Variants in ANXA7 observed in about 807,000 individuals in gnomAD.
ANXA7 encodes the protein annexin A7.
ANXA7 carries 55 observed loss-of-function variants against 64.9 expected under a neutral mutation model. That is an observed-to-expected ratio of 0.85 (90% confidence interval 0.68 to 1.06). The LOEUF is 1.06. ANXA7 is among the 50% of genes least tolerant of loss of function. ANXA7 has a pLI of 0.00. For missense variants in ANXA7, 548 were observed against 582.1 expected (o/e 0.94, Z 0.60); for synonymous variants, 200 against 192.4 (o/e 1.04, Z -0.33).
At chr10:73,406,867 A>G (rs2055765579) in intron 1 of ANXA7, among the ~76,000 whole-genome samples, 1 of 151,346 alleles carries the variant, frequency 6.6e-6, no homozygotes, top group Non-Finnish European at 1.5e-5. Context: ...CACCACACCC[A>G]CCCTCTATTT....
At chr10:73,400,944 G>T in intron 1 of ANXA7, 87 bp from the exon 2 acceptor site, 1 of 1,185,566 alleles carries the variant, frequency 8.4e-7, no homozygotes, top group Non-Finnish European at 1.2e-6. Context: ...GTCTCACTCT[G>T]TCACCAGGTT....
rs1131226 is a variant in ANXA7 at position 73,400,840 on chromosome 10, T to C, written c.17A>G (p.Tyr6Cys). ...GAAAGGTGGGTAGCCTGTTGGGGGA[T>C]AGCCTGGGTATGACATTCTGTAACA... The part of the protein sequence containing the change: MSYPG[Y>C]PPTGYPPFPG... The change falls in exon 2 of 13, where the codon TAT becomes TGT. Residue 6 changes from tyrosine to cysteine, a missense_variant. Transcript: ENST00000372921. 5.6e-6 allele frequency: 9 copies of C among 1,603,982 alleles called. No homozygotes were observed. Among genetic ancestry groups the C allele is most frequent in the South Asian group, 5.6e-5 (5 of 89,840 alleles).
chr10:73,398,884 T>C (rs1055791476), intron 2 of ANXA7, among the ~76,000 whole-genome samples: 1 of 152,168 alleles, frequency 6.6e-6, no homozygotes, highest in Non-Finnish European at 1.5e-5. Flanking sequence ...AGCAGCAATA[T>C]GCAGAGTGGC....
intron 2 of ANXA7, among the ~76,000 whole-genome samples, chr10:73,399,570 C>CATG (rs1364633562): frequency 6.6e-6 from 1 of 152,188 alleles, no homozygotes; most frequent in African/African-American, 2.4e-5. Context: ...TGCCTGTAAT[C>CATG]CCAGCGCTTT....
rs1357424575 is a variant in ANXA7 at position 73,396,060 on chromosome 10, A to G, written c.435+459T>C. The G allele has an allele frequency of 6.3e-7, 1 of 1,593,536 alleles. No homozygotes were observed. Among genetic ancestry groups the G allele is most frequent in the East Asian group, 2.2e-5 (1 of 44,768 alleles). On this transcript the variant is annotated intron_variant, in intron 5 of 12. Transcript: ENST00000372921. ...CTTACTCACTTCACTGCTATAATCC[A>G]AAGAAACAGGAGAGAAAACAGGATA...
intron 5 of ANXA7, among the ~76,000 whole-genome samples, chr10:73,392,961 T>G (rs565672694): frequency 6.6e-6 from 1 of 152,208 alleles, no homozygotes; most frequent in Admixed American, 6.5e-5. Context: ...CCCCATTGTC[T>G]CAGCCCAAAA....
chr10:73,377,773 G>GGGGTGTGTGTGTGT lies in ANXA7; in HGVS notation c.1278+1137_1278+1138insACACACACACACCC, dbSNP rs1554815379. Among the ~76,000 whole-genome samples, 457 of 124,832 alleles carry GGGGTGTGTGTGTGT rather than the reference G, an allele frequency of 3.7e-3. 25 individuals carry two copies. Among genetic ancestry groups the GGGGTGTGTGTGTGT allele is most frequent in the African/African-American group, 0.011 (330 of 31,108 alleles). The allele number at this position is 124,832 out of a possible 152,430, so 81.9% of individuals were successfully genotyped here. A position where few individuals can be genotyped will look rare whatever the true frequency, so the allele number is the denominator to read the frequency against. On this transcript the variant is annotated intron_variant, in intron 12 of 12. Coordinates refer to ENST00000372921, the MANE Select transcript of ANXA7 (RefSeq NM_001156.5). The stretch of plus-strand genomic sequence containing the variant: ...ACTACCATGCCGGGGGGTGGGTGTG[G>GGGGTGTGTGTGTGT]GTGTGTGTGTGTGTGTGTGTGTGTG...
At chr10:73,384,647 C>T (rs1297437060) in intron 7 of ANXA7, among the ~76,000 whole-genome samples, 1 of 151,966 alleles carries the variant, frequency 6.6e-6, no homozygotes, top group Non-Finnish European at 1.5e-5. Context: ...GTGATACACC[C>T]GCCTTGGCCT....
chr10:73,376,541 G>A (rs2055173992), intron 12 of ANXA7, among the ~76,000 whole-genome samples: 1 of 152,192 alleles, frequency 6.6e-6, no homozygotes, highest in African/African-American at 2.4e-5. Context: ...CATGAAATGG[G>A]AACACTTGTA....
intron 1 of ANXA7, among the ~76,000 whole-genome samples, chr10:73,404,591 G>A (rs2055722704): frequency 6.6e-6 from 1 of 152,046 alleles, no homozygotes; most frequent in African/African-American, 2.4e-5. Context: ...GTCAGGAGTT[G>A]ATAACTGCTC....
intron 7 of ANXA7, among the ~76,000 whole-genome samples, chr10:73,385,988 C>T (rs1327981714): frequency 6.6e-6 from 1 of 152,040 alleles, no homozygotes; most frequent in African/African-American, 2.4e-5. Flanking sequence ...CCAAGGCAGG[C>T]AGATCACATG....
chr10:73,400,714 C>A, intron 2 of ANXA7, 89 bp downstream of exon 2: 1 of 1,063,866 alleles, frequency 9.4e-7, no homozygotes, highest in Non-Finnish European at 1.4e-6. Flanking sequence ...TTTATGACCC[C>A]TGCTCAAGCA....
chr10:73,394,339 G>C (rs2055535244), intron 5 of ANXA7, among the ~76,000 whole-genome samples: 1 of 152,202 alleles, frequency 6.6e-6, no homozygotes, highest in Non-Finnish European at 1.5e-5. Context: ...AACACCATTT[G>C]ACCCAGCCAT....
chr10:73,396,453 A>G (rs2055576942), intron 5 of ANXA7, 66 bp downstream of exon 5: 1 of 1,227,754 alleles, frequency 8.1e-7, no homozygotes, highest in Non-Finnish European at 1.2e-6. Flanking sequence ...TGGAAACCTC[A>G]GCAAAGGATA....
chr10:73,405,844 A>C (rs1427721092), intron 1 of ANXA7, among the ~76,000 whole-genome samples: 5 of 152,198 alleles, frequency 3.3e-5, no homozygotes, highest in African/African-American at 1.2e-4. Flanking sequence ...TATGTGTATA[A>C]TAAAATACTC....
intron 1 of ANXA7, among the ~76,000 whole-genome samples, chr10:73,404,159 A>G (rs1220474850): frequency 6.6e-6 from 1 of 152,332 alleles, no homozygotes; most frequent in East Asian, 1.9e-4. Context: ...ATGCTTTCTG[A>G]TGGAAAAAGA....
intron 2 of ANXA7, among the ~76,000 whole-genome samples, chr10:73,398,747 C>T (rs974393983): frequency 1.3e-4 from 20 of 151,988 alleles, no homozygotes; most frequent in Admixed American, 1.2e-3. Context: ...CCTCTATATC[C>T]TAAACAGAGG....
chr10:73,396,121 G>C (rs1197295274), intron 5 of ANXA7: 2 of 1,550,894 alleles, frequency 1.3e-6, no homozygotes, highest in Admixed American at 1.7e-5. Context: ...TGAAAAAAGA[G>C]TGAAAAGTTA....
chr10:73,404,153 T>C (rs2055716051), intron 1 of ANXA7, among the ~76,000 whole-genome samples: 1 of 152,234 alleles, frequency 6.6e-6, no homozygotes, highest in Non-Finnish European at 1.5e-5. Flanking sequence ...ATTAGAATGC[T>C]TTCTGATGGA....
Sources: gnomAD v4.1 joint callset for allele counts (sites outside exome capture counted in the v4.1 genomes callset) on GRCh38, gnomAD v4.1.1 for gene constraint, MANE v1.5 for transcripts, NCBI Gene and HGNC (gene_info 2026-07-23, HGNC 2026-07-21) for gene names.